The following SEC24B variants were observed in gnomAD, a reference collection of about 807,000 sequenced individuals.
SEC24B encodes the protein SEC24 homolog B, COPII component, also known as protein transport protein Sec24B.
A neutral mutation model predicts 142.8 loss-of-function variants in SEC24B; 45 were observed. The observed-to-expected ratio is 0.32, with a 90% CI of 0.25 to 0.40. SEC24B has a LOEUF of 0.40. SEC24B is among the 10% of genes least tolerant of loss of function. SEC24B has a pLI of 1.00. For missense variants in SEC24B, 1,409 were observed against 1,526.8 expected (o/e 0.92, Z 1.29); for synonymous variants, 574 against 568.2 (o/e 1.01, Z -0.15).
At chr4:109,528,551 G>A (rs1367613794) in intron 18 of SEC24B, among the ~76,000 whole-genome samples, 1 of 152,138 alleles carries the variant, frequency 6.6e-6, no homozygotes, top group Non-Finnish European at 1.5e-5. Context: ...ACTGCAAAGG[G>A]GCAAGTATAG....
chr4:109,494,701 C>T lies in SEC24B; in HGVS notation c.1333C>T (p.Pro445Ser), dbSNP rs1735357472. 1 of 1,614,188 alleles carries T rather than the reference C, an allele frequency of 6.2e-7. No homozygotes were observed. Among genetic ancestry groups the T allele is most frequent in the Non-Finnish European group, 8.5e-7 (1 of 1,180,012 alleles). Reference sequence around the variant, plus strand: ...TTCTGCTCCAGCTCCAGCTTCAGCTCCAGCTCCTGTCGTCCCTCAGCCTTC... The same window carrying T: ...TTCTGCTCCAGCTCCAGCTTCAGCTTCAGCTCCTGTCGTCCCTCAGCCTTC... The part of the protein sequence containing the change: ...PASAPAPASA[P>S]APVVPQPSKM... The change falls in exon 6 of 24, where the codon CCA becomes TCA. Residue 445 changes from proline to serine, a missense_variant. Transcript: ENST00000265175.
intron 23 of SEC24B, among the ~76,000 whole-genome samples, chr4:109,539,019 T>C (rs1222446098): frequency 6.6e-6 from 1 of 152,112 alleles, no homozygotes; most frequent in Non-Finnish European, 1.5e-5. Flanking sequence ...TGGAGTGCGA[T>C]GGTGCGATCT....
chr4:109,466,905 G>A (rs1251750259), intron 2 of SEC24B, among the ~76,000 whole-genome samples: 3 of 152,238 alleles, frequency 2.0e-5, no homozygotes, highest in East Asian at 1.9e-4. Context: ...TTATTTTTAG[G>A]CAGCTAATGA....
chr4:109,448,027 T>G (rs1729646019), intron 1 of SEC24B, among the ~76,000 whole-genome samples: 4 of 152,194 alleles, frequency 2.6e-5, no homozygotes, highest in African/African-American at 9.7e-5. Flanking sequence ...TAGTCACATC[T>G]CCCTCTGACT....
intron 2 of SEC24B, among the ~76,000 whole-genome samples, chr4:109,471,752 G>A (rs750947869): frequency 3.3e-5 from 5 of 152,054 alleles, no homozygotes; most frequent in African/African-American, 7.2e-5. Flanking sequence ...TTTTCTGTAC[G>A]TGGCTAGACC....
At chr4:109,442,521 A>C (rs969591885) in intron 1 of SEC24B, among the ~76,000 whole-genome samples, 1 of 152,174 alleles carries the variant, frequency 6.6e-6, no homozygotes, top group Non-Finnish European at 1.5e-5. Context: ...GTATGAATTT[A>C]TCTTAGTAGG....
intron 22 of SEC24B, 40 bp downstream of exon 22, chr4:109,533,725 ATT>A: frequency 9.5e-7 from 1 of 1,051,958 alleles, no homozygotes. Context: ...TTGTTTGCTC[ATT>A]TTTTTTTATT....
chr4:109,445,905 T>C (rs1427591506), intron 1 of SEC24B, among the ~76,000 whole-genome samples: 1 of 151,956 alleles, frequency 6.6e-6, no homozygotes, highest in African/African-American at 2.4e-5. Flanking sequence ...TTGATGCTTA[T>C]GTAAGGCATT....
At chr4:109,454,449 G>GAATC (rs1730451276) in intron 1 of SEC24B, among the ~76,000 whole-genome samples, 1 of 151,376 alleles carries the variant, frequency 6.6e-6, no homozygotes, top group African/African-American at 2.4e-5. Flanking sequence ...TAAGGCAGGA[G>GAATC]AATCACTTGA....
At chr4:109,443,043 G>A (rs1278332102) in intron 1 of SEC24B, among the ~76,000 whole-genome samples, 1 of 152,080 alleles carries the variant, frequency 6.6e-6, no homozygotes, top group Non-Finnish European at 1.5e-5. Context: ...TGAGCTCTCA[G>A]TACCAGTTAG....
chr4:109,455,762 A>G (rs1730606095), intron 1 of SEC24B, among the ~76,000 whole-genome samples: 1 of 152,018 alleles, frequency 6.6e-6, no homozygotes, highest in Admixed American at 6.5e-5. Flanking sequence ...CCTTTCACCA[A>G]TACCACACTT....
chr4:109,484,362 GC>G (rs1385778571), intron 4 of SEC24B, among the ~76,000 whole-genome samples: 1 of 152,124 alleles, frequency 6.6e-6, no homozygotes, highest in Non-Finnish European at 1.5e-5. Flanking sequence ...CCTATTTGAG[GC>G]ACATGATGTC....
chr4:109,532,890 C>A, intron 21 of SEC24B, 147 bp downstream of exon 21: 1 of 551,154 alleles, frequency 1.8e-6, no homozygotes, highest in Non-Finnish European at 3.2e-6. Context: ...CACTGGAGGT[C>A]AATTTACTTT....
In SEC24B at chr4:109,524,960, G is replaced by A; in HGVS notation, c.2632+19G>A. The A allele has an allele frequency of 1.3e-6, 2 of 1,581,630 alleles. No individual in the cohort carries two copies. Among genetic ancestry groups the A allele is most frequent in the Non-Finnish European group, 1.7e-6 (2 of 1,166,276 alleles). On this transcript the variant is annotated intron_variant, in intron 15 of 23. Coordinates refer to ENST00000265175, the MANE Select transcript of SEC24B (RefSeq NM_006323.5). ...TCTCTAGGTAAGGAAAGTCATCATG[G>A]GTACATTTGTTTAAATGAACATTTT... is the stretch of plus-strand genomic sequence containing the variant.
chr4:109,511,844 A>G (rs1014875924), intron 8 of SEC24B, 113 bp from the exon 9 acceptor site: 22 of 1,081,300 alleles, frequency 2.0e-5, no homozygotes, highest in Non-Finnish European at 2.4e-5. Context: ...TTCCATATAA[A>G]ACCACATAAA....
At chr4:109,530,695 A>T (rs1724813283) in intron 19 of SEC24B, among the ~76,000 whole-genome samples, 1 of 151,974 alleles carries the variant, frequency 6.6e-6, no homozygotes, top group Admixed American at 6.6e-5. Context: ...TGATGCCAGG[A>T]GTTTGCAACC....
chr4:109,501,812 A>C (rs554814082), intron 6 of SEC24B, among the ~76,000 whole-genome samples: 1 of 152,270 alleles, frequency 6.6e-6, no homozygotes, highest in African/African-American at 2.4e-5. Context: ...CTCTCTACTC[A>C]ATAGAAGTTT....
At chr4:109,451,789 T>C (rs1288817136) in intron 1 of SEC24B, among the ~76,000 whole-genome samples, 2 of 152,214 alleles carry the variant, frequency 1.3e-5, no homozygotes, top group African/African-American at 4.8e-5. Context: ...TATGTATATG[T>C]ATATGCTAAC....
chr4:109,510,000 T>C lies in SEC24B; in HGVS notation c.1674-9T>C, dbSNP rs1737151497. On this transcript the variant is annotated splice_polypyrimidine_tract_variant and intron_variant, in intron 7 of 23. Transcript: ENST00000265175. Reference sequence around the variant, plus strand: ...CTAATATCCTCCATGTTGTTTATGTTTTTTGCAGTTCATTTCGGTGTACTT... The same window carrying C: ...CTAATATCCTCCATGTTGTTTATGTCTTTTGCAGTTCATTTCGGTGTACTT... 3.2e-6 allele frequency: 5 copies of C among 1,565,678 alleles called. No homozygotes were observed. The East Asian group carries it at 1.1e-4, about 35-fold the overall frequency.
Sources: gnomAD v4.1 joint callset for allele counts (sites outside exome capture counted in the v4.1 genomes callset) on GRCh38, gnomAD v4.1.1 for gene constraint, MANE v1.5 for transcripts, NCBI Gene and HGNC (gene_info 2026-07-23, HGNC 2026-07-21) for gene names.